Variants in CHERP observed in about 807,000 individuals in gnomAD.
CHERP encodes calcium homeostasis endoplasmic reticulum protein.
In CHERP, 8 loss-of-function variants were observed where a neutral mutation model predicts 113.8. That is an observed-to-expected ratio of 0.07 (90% CI 0.04 to 0.13). CHERP has a LOEUF of 0.13. CHERP is among the 10% of genes least tolerant of loss of function. The pLI, the probability that CHERP is intolerant of heterozygous loss-of-function variation, is 1.00. For synonymous variants in CHERP, 559 were observed against 524.5 expected (o/e 1.07, Z -0.90); for missense variants, 884 against 1,298.2 (o/e 0.68, Z 4.90).
chr19:16,541,945 G>C lies in CHERP; in HGVS notation c.124C>G (p.Pro42Ala). Residue 42 changes from proline to alanine, a missense_variant, in exon 2 of 17, where the codon CCC (proline) becomes GCC (alanine). This residue lies in a region of CHERP where 17 missense variants were observed against 50.8 expected (regional missense o/e 0.33). Transcript: ENST00000546361. ...CCTCCGAAAAGAAACGAGAATTTGG[G>C]GTTGTCCTTCTGCTTCTCCATAGTC... ...KMTMEKQKDN[P>A]KFSFLFGGEF... 1.9e-6 allele frequency: 3 copies of C among 1,614,162 alleles called. No individual in the cohort carries two copies. Among genetic ancestry groups the C allele is most frequent in the Non-Finnish European group, 2.5e-6 (3 of 1,180,006 alleles).
rs866449691 is a variant in CHERP at position 16,539,179 on chromosome 19, G to A, written c.199+2691C>T. On this transcript the variant is annotated intron_variant, in intron 2 of 16. Transcript: ENST00000546361. ...TTTTTTTTTTTTGAGACGGAGTCTC[G>A]CTCTGTCGCCCAGGCTGGAGTGCAG... Among the ~76,000 whole-genome samples the A allele has an allele frequency of 5.7e-3, 781 of 137,594 alleles. 2 individuals carry two copies. The highest frequency in any genetic ancestry group is 0.021 in the African/African-American group (735 of 35,772). The allele number at this position is 137,594 out of a possible 152,430, so 90.3% of individuals were successfully genotyped here.
Position 16,519,571 on chromosome 19 carries a change from C to T in CHERP, c.2557+50G>A. 1 of 1,520,836 alleles carries T rather than the reference C, an allele frequency of 6.6e-7. No individual in the cohort carries two copies. The allele number at this position is 1,520,836 out of a possible 1,614,324, so 94.2% of individuals were successfully genotyped here. A position where few individuals can be genotyped will look rare whatever the true frequency, so the allele number is the denominator to read the frequency against. ...GAGAAAGCGCTGGTGACTCCCGGGC[C>T]CAGCACGCGTGAGGACCCATCCCGC... On this transcript the variant is annotated intron_variant, in intron 16 of 16. Coordinates refer to ENST00000546361, the MANE Select transcript of CHERP (RefSeq NM_006387.6). This position sits in a 1 kb window ranked among gnomAD's most constrained non-coding sequence, Gnocchi z 6.0.
chr19:16,540,837 A>G (rs892846904), intron 2 of CHERP, among the ~76,000 whole-genome samples: 1 of 151,402 alleles, frequency 6.6e-6, no homozygotes, highest in Non-Finnish European at 1.5e-5. Flanking sequence ...AGCTGGGACT[A>G]CAGGCGCGGG....
chr19:16,533,446 C>T (rs568627655), intron 3 of CHERP, among the ~76,000 whole-genome samples: 1 of 152,288 alleles, frequency 6.6e-6, no homozygotes, highest in South Asian at 2.1e-4. Context: ...GAACAAACAA[C>T]CTCTGCAAAC....
At chr19:16,528,898 A>G (rs2085675127) in intron 8 of CHERP, among the ~76,000 whole-genome samples, 1 of 152,254 alleles carries the variant, frequency 6.6e-6, no homozygotes, top group Non-Finnish European at 1.5e-5. Flanking sequence ...GCTTGCAGTG[A>G]GCTGAGATCA....
At position 16,525,396 on chromosome 19, in the gene CHERP, G is replaced by A; in HGVS notation, c.1587C>T (p.His529=). The A allele has an allele frequency of 9.3e-6, 14 of 1,503,252 alleles. No homozygotes were observed. Among genetic ancestry groups the A allele is most frequent in the Non-Finnish European group, 1.2e-5 (14 of 1,125,966 alleles). The allele number at this position is 1,503,252 out of a possible 1,614,324, so 93.1% of individuals were successfully genotyped here. Residue 529 remains histidine (H), a synonymous_variant, in exon 10 of 17, where the codon CAC becomes CAT. Coordinates refer to ENST00000546361, the MANE Select transcript of CHERP (RefSeq NM_006387.6). This position sits in a 1 kb window ranked among gnomAD's most constrained non-coding sequence, Gnocchi z 6.5. The part of the protein sequence containing the change: ...PPHFRGPFPP[H]QQHPQFNQPP... ...GCTGGTTGAACTGCGGGTGCTGCTG[G>A]TGGGGCGGGAAGGGCCCCCGGAAGT... is the stretch of plus-strand genomic sequence containing the variant.
In CHERP at chr19:16,523,114, T is replaced by C; in HGVS notation, c.1918A>G (p.Ser640Gly). ...GPPHINHDDP[S>G]LVPNVPYFDL... ...AAGTAGGGCACATTGGGGACCAGGC[T>C]GGGGTCATCGTGGTTGATGTGGGGT... is the stretch of plus-strand genomic sequence containing the variant. Residue 640 changes from serine to glycine, a missense_variant, in exon 11 of 17, where the codon AGC becomes GGC. Physicochemically the swap from Ser to Gly is moderately conservative, Grantham distance 56. This residue lies in a region of CHERP where 464 missense variants were observed against 590.1 expected (regional missense o/e 0.79). Transcript: ENST00000546361. The surrounding 1 kb of genome is among the most constrained non-coding windows in gnomAD (Gnocchi z 4.0). 6.5e-7 allele frequency: 1 copy of C among 1,546,992 alleles called. No homozygotes were observed. The highest frequency in any genetic ancestry group is 8.7e-7 in the Non-Finnish European group (1 of 1,149,592).
rs1018384865 is a variant in CHERP, at chr19:16,531,251, C to T, written c.675-371G>A. 5.9e-5 allele frequency among the ~76,000 whole-genome samples: 9 copies of T among 152,306 alleles called. 1 individual carries two copies. Among genetic ancestry groups the T allele is most frequent in the Admixed American group, 4.6e-4 (7 of 15,306 alleles). ...TATGATGGGCGGGATGGGACTGCTGCGGAGTGGGGGTCTTGTCCTTGTCAC... is the reference window on the plus strand; with the variant it reads ...TATGATGGGCGGGATGGGACTGCTGTGGAGTGGGGGTCTTGTCCTTGTCAC... On this transcript the variant is annotated intron_variant, in intron 5 of 16. Transcript: ENST00000546361.
rs2085784367 is a variant in CHERP, at chr19:16,542,144, G to A, written c.26-101C>T. ...CCGTCCGCCTTGCCGGGGACCCCAAGGGGGTGGGCCCCGAAGAGGCCGCCC... is the reference window on the plus strand; with the variant it reads ...CCGTCCGCCTTGCCGGGGACCCCAAAGGGGTGGGCCCCGAAGAGGCCGCCC... On this transcript the variant is annotated intron_variant, in intron 1 of 16. Transcript: ENST00000546361. 44 of 1,374,148 alleles carry A rather than the reference G, an allele frequency of 3.2e-5. 1 individual carries two copies. The highest frequency in any genetic ancestry group is 4.3e-5 in the Non-Finnish European group (44 of 1,022,906). 85.1% of individuals were successfully genotyped at this position (1,374,148 alleles called of 1,614,324 possible).
intron 8 of CHERP, 151 bp downstream of exon 8, chr19:16,529,497 T>TA: frequency 1.0e-6 from 1 of 952,970 alleles, no homozygotes; most frequent in Non-Finnish European, 1.5e-6. Context: ...CTCGTGCTTG[T>TA]AAATGGATGA....
At position 16,519,367 on chromosome 19, in the gene CHERP, G is replaced by A. The variant is rs202152485; in HGVS notation, c.2558-15C>T. On this transcript the variant is annotated splice_polypyrimidine_tract_variant and intron_variant, in intron 16 of 16. Coordinates refer to ENST00000546361, the MANE Select transcript of CHERP (RefSeq NM_006387.6). The surrounding 1 kb of genome is among the most constrained non-coding windows in gnomAD (Gnocchi z 6.0). ...GCCGCTCCAGCCTGGAAACAGAGACGCAGTCACAACCACAACAAGGCGGAG... is the reference window on the plus strand; with the variant it reads ...GCCGCTCCAGCCTGGAAACAGAGACACAGTCACAACCACAACAAGGCGGAG... 304 of 1,607,066 alleles carry A rather than the reference G, an allele frequency of 1.9e-4. No individual in the cohort carries two copies. Among genetic ancestry groups the A allele is most frequent in the Admixed American group, 1.2e-4 (7 of 58,764 alleles).
rs1341090973 is a variant in CHERP, at chr19:16,523,315, G to A, written c.1742-25C>T. 4 of 1,601,602 alleles carry A rather than the reference G, an allele frequency of 2.5e-6. No individual in the cohort carries two copies. In the South Asian group the frequency reaches 4.4e-5, roughly 18 times the overall value. ...TCTGCAAAACAGAGACTTGCCTCAGGACCACAGGCCAGTCAGGATCTCCCA... is the reference window on the plus strand; with the variant it reads ...TCTGCAAAACAGAGACTTGCCTCAGAACCACAGGCCAGTCAGGATCTCCCA... On this transcript the variant is annotated intron_variant, in intron 10 of 16. Coordinates refer to ENST00000546361, the MANE Select transcript of CHERP (RefSeq NM_006387.6). This position sits in a 1 kb window ranked among gnomAD's most constrained non-coding sequence, Gnocchi z 4.0.
rs913866738 is a variant in CHERP at position 16,519,878 on chromosome 19, A to G, written c.2463-163T>C. On this transcript the variant is annotated intron_variant, in intron 15 of 16. Coordinates refer to ENST00000546361, the MANE Select transcript of CHERP (RefSeq NM_006387.6). This position sits in a 1 kb window ranked among gnomAD's most constrained non-coding sequence, Gnocchi z 6.0. ...TACCCGTTTATCCTGTCTCAGCTAG[A>G]TAAGGGGGCTCCAGACGCTGGCCCC... 1.6e-5 allele frequency: 11 copies of G among 706,372 alleles called. No homozygotes were observed. The highest frequency in any genetic ancestry group is 4.7e-5 in the Admixed American group (2 of 42,826). 43.8% of individuals were successfully genotyped at this position (706,372 alleles called of 1,614,324 possible).
At chr19:16,541,612 G>A (rs1333872653) in intron 2 of CHERP, 1 of 429,302 alleles carries the variant, frequency 2.3e-6, no homozygotes, top group East Asian at 4.0e-5. Flanking sequence ...TCCGTCATCA[G>A]TCTGCAAAAC....
At chr19:16,528,042 G>A in intron 9 of CHERP, 38 bp downstream of exon 9, 1 of 1,604,508 alleles carries the variant, frequency 6.2e-7, no homozygotes, top group Non-Finnish European at 8.5e-7. Flanking sequence ...CAGGCCAAGT[G>A]TGCCCCATCT....
intron 2 of CHERP, among the ~76,000 whole-genome samples, chr19:16,537,230 C>A (rs2085747065): frequency 6.6e-6 from 1 of 150,832 alleles, no homozygotes; most frequent in Non-Finnish European, 1.5e-5. Context: ...GCCCCCCGGG[C>A]CTGTCGCAGG....
In CHERP at chr19:16,527,885, G is replaced by A. The variant is rs376816919; in HGVS notation, c.1305+195C>T. Among the ~76,000 whole-genome samples, 36 of 152,320 alleles carry A rather than the reference G, an allele frequency of 2.4e-4. No individual in the cohort carries two copies. The East Asian group carries it at 4.0e-3, about 17-fold the overall frequency. On this transcript the variant is annotated intron_variant, in intron 9 of 16. Coordinates refer to ENST00000546361, the MANE Select transcript of CHERP (RefSeq NM_006387.6). The stretch of plus-strand genomic sequence containing the variant: ...AACCATCAAAGCTCGGGGAAGGGAC[G>A]TGAAGACCTGTCACTTGACCTGTCC...
intron 3 of CHERP, 75 bp from the exon 4 acceptor site, chr19:16,533,223 C>CCAGGCCGG: frequency 6.8e-7 from 1 of 1,472,866 alleles, no homozygotes; most frequent in Non-Finnish European, 9.2e-7. Flanking sequence ...CCTGGCTCAG[C>CCAGGCCGG]AGGGGCGGGG....
intron 3 of CHERP, among the ~76,000 whole-genome samples, chr19:16,534,254 A>G (rs926224805): frequency 1.3e-5 from 2 of 151,816 alleles, no homozygotes; most frequent in African/African-American, 4.8e-5. Flanking sequence ...GTTTCACCAT[A>G]TTGGCCATGC....
Sources: allele counts gnomAD v4.1 joint callset (sites outside exome capture counted in the v4.1 genomes callset), GRCh38; gene constraint gnomAD v4.1.1; regional missense constraint gnomAD v4.1.1; non-coding constraint Gnocchi (gnomAD v3.1); transcripts MANE v1.5; gene names NCBI Gene and HGNC (gene_info 2026-07-23, HGNC 2026-07-21).